Variants in ERC1 observed in about 807,000 individuals in gnomAD.
The protein encoded by ERC1 is ELKS/RAB6-interacting/CAST family member 1.
A neutral mutation model predicts 132.0 loss-of-function variants in ERC1; 56 were observed. The observed-to-expected ratio is 0.42, with a 90% CI of 0.34 to 0.53. The LOEUF (loss-of-function observed/expected upper bound fraction) is 0.53. Ranked by LOEUF, ERC1 falls within the 20% of genes least tolerant of loss-of-function variation. The probability of loss-of-function intolerance (pLI) is 0.03; values close to 1 mark genes in which losing one functional copy is unlikely to be tolerated. For synonymous variants in ERC1, 478 were observed against 476.1 expected (o/e 1.00, Z -0.05); for missense variants, 1,202 against 1,349.9 (o/e 0.89, Z 1.72).
At chr12:1,158,547 A>C (rs1271632004) in intron 8 of ERC1, among the ~76,000 whole-genome samples, 6 of 151,358 alleles carry the variant, frequency 4.0e-5, no homozygotes, top group Non-Finnish European at 8.8e-5. Flanking sequence ...CTCCTGCCTC[A>C]GCCTCCCAGG....
intron 4 of ERC1, among the ~76,000 whole-genome samples, chr12:1,105,999 C>G (rs183073576): frequency 5.2e-4 from 79 of 152,312 alleles, no homozygotes; most frequent in Middle Eastern, 3.4e-3. Context: ...AAACCTCTGC[C>G]TTAAGTTAAT....
chr12:1,208,065 C>T (rs1163181018), intron 12 of ERC1, among the ~76,000 whole-genome samples: 2 of 152,194 alleles, frequency 1.3e-5, no homozygotes, highest in Non-Finnish European at 2.9e-5. Context: ...TATCTCACTT[C>T]ACCTCATAAC....
Position 1,182,660 on chromosome 12 carries a change from AT to A in ERC1, c.2016+607del, listed in dbSNP as rs550078937. On this transcript the variant is annotated intron_variant, in intron 10 of 18. Coordinates refer to ENST00000360905, the MANE Select transcript of ERC1 (RefSeq NM_178040.4). ...TTTTCTTTTAATAGGGAAAAATGTG[AT>A]TTTTTTTTTTTCTTTTAAGAGACTG... 6.7e-3 allele frequency among the ~76,000 whole-genome samples: 982 copies of A among 146,746 alleles called. 15 individuals are homozygous for A. Among genetic ancestry groups the A allele is most frequent in the African/African-American group, 0.022 (907 of 40,440 alleles).
At chr12:1,484,078 G>C (rs1459763244) in intron 18 of ERC1, among the ~76,000 whole-genome samples, 2 of 151,488 alleles carry the variant, frequency 1.3e-5, no homozygotes, top group Non-Finnish European at 2.9e-5. Context: ...GGCTGAGGCG[G>C]GCGGATCACG....
At chr12:1,418,535 C>T (rs1390165342) in intron 17 of ERC1, among the ~76,000 whole-genome samples, 2 of 152,182 alleles carry the variant, frequency 1.3e-5, no homozygotes, top group Non-Finnish European at 2.9e-5. Flanking sequence ...CTTCATCATA[C>T]ACAGATTTCC....
In ERC1 at chr12:1,252,749, G is replaced by C. The variant is rs554045716; in HGVS notation, c.2488-10285G>C. On this transcript the variant is annotated intron_variant, in intron 13 of 18. Coordinates refer to ENST00000360905, the MANE Select transcript of ERC1 (RefSeq NM_178040.4). ...TTTTAACCCACAGTATTGCCTTAAAGTAGTTGGTGTGTAACCAAATTCTGT... is the reference window on the plus strand; with the variant it reads ...TTTTAACCCACAGTATTGCCTTAAACTAGTTGGTGTGTAACCAAATTCTGT... 6.1e-4 allele frequency among the ~76,000 whole-genome samples: 93 copies of C among 152,310 alleles called. 1 individual carries two copies. The highest frequency in any genetic ancestry group is 2.1e-3 in the African/African-American group (89 of 41,572).
At chr12:1,136,373 A>G (rs930254120) in intron 7 of ERC1, among the ~76,000 whole-genome samples, 11 of 152,202 alleles carry the variant, frequency 7.2e-5, no homozygotes, top group African/African-American at 2.7e-4. Context: ...GCTTTGAGGT[A>G]TCTCCAAGCA....
At chr12:1,398,382 G>A (rs1300767654) in intron 16 of ERC1, among the ~76,000 whole-genome samples, 1 of 152,064 alleles carries the variant, frequency 6.6e-6, no homozygotes, top group Non-Finnish European at 1.5e-5. Context: ...CAAATAACAA[G>A]TAATTATGTT....
At chr12:1,270,135 T>C (rs2077731757) in intron 14 of ERC1, among the ~76,000 whole-genome samples, 1 of 152,212 alleles carries the variant, frequency 6.6e-6, no homozygotes, top group Non-Finnish European at 1.5e-5. Context: ...TTCCTATCCA[T>C]TTATATGATG....
chr12:1,253,918 G>T (rs2076625600), intron 13 of ERC1, among the ~76,000 whole-genome samples: 1 of 152,118 alleles, frequency 6.6e-6, no homozygotes, highest in African/African-American at 2.4e-5. Context: ...GGAGATGAGG[G>T]ATTCTTTGAA....
intron 17 of ERC1, among the ~76,000 whole-genome samples, chr12:1,434,433 C>T (rs987117587): frequency 6.6e-6 from 1 of 152,190 alleles, no homozygotes; most frequent in African/African-American, 2.4e-5. Flanking sequence ...CGTGTAGTTA[C>T]CTGTGCTTCA....
chr12:1,412,129 A>G (rs2091888224), intron 17 of ERC1, among the ~76,000 whole-genome samples: 1 of 152,248 alleles, frequency 6.6e-6, no homozygotes, highest in Non-Finnish European at 1.5e-5. Context: ...TCATTATATC[A>G]TAAGGATTTT....
intron 16 of ERC1, among the ~76,000 whole-genome samples, chr12:1,390,121 T>C (rs2089818293): frequency 6.6e-6 from 1 of 152,184 alleles, no homozygotes; most frequent in South Asian, 2.1e-4. Context: ...CCAGTAGACA[T>C]TTTATTAAAA....
intron 17 of ERC1, among the ~76,000 whole-genome samples, chr12:1,423,465 A>G (rs1469102173): frequency 6.6e-6 from 1 of 152,138 alleles, no homozygotes; most frequent in Non-Finnish European, 1.5e-5. Flanking sequence ...ATTATTTTAC[A>G]TTTTTGAGAC....
At chr12:1,372,001 G>T in intron 16 of ERC1, 24 bp downstream of exon 16, 3 of 1,610,786 alleles carry the variant, frequency 1.9e-6, no homozygotes, top group Non-Finnish European at 2.5e-6. Context: ...CCAGCAGGAG[G>T]GTCAGTGGGG....
intron 14 of ERC1, among the ~76,000 whole-genome samples, chr12:1,265,877 A>G (rs7296083): frequency 0.059 from 8,951 of 152,080 alleles, 478 homozygotes; most frequent in African/African-American, 0.13. Context: ...TTGTGGCTTG[A>G]TAGCTCATTT....
intron 12 of ERC1, among the ~76,000 whole-genome samples, chr12:1,208,957 A>AT (rs538961813): frequency 0.021 from 1,520 of 71,614 alleles, 172 homozygotes; most frequent in East Asian, 0.045. Context: ...CGCCCAGCTG[A>AT]TTTTTTTTTT....
rs568735345 is a variant in ERC1, at chr12:1,066,575, G to A, written c.670-16589G>A. Among the ~76,000 whole-genome samples, 29 of 152,236 alleles carry A rather than the reference G, an allele frequency of 1.9e-4. No individual in the cohort carries two copies. The East Asian group carries it at 4.8e-3, about 25-fold the overall frequency. ...CTAGAGGCTGGGTGCGGTGGCTCAC[G>A]CCTGTAATCCCAGCACTTTGGGAGA... is the stretch of plus-strand genomic sequence containing the variant. On this transcript the variant is annotated intron_variant, in intron 2 of 18. Coordinates refer to ENST00000360905, the MANE Select transcript of ERC1 (RefSeq NM_178040.4).
chr12:1,476,211 A>G (rs1443655084), intron 18 of ERC1, among the ~76,000 whole-genome samples: 1 of 151,278 alleles, frequency 6.6e-6, no homozygotes, highest in Admixed American at 6.6e-5. Flanking sequence ...AGCTGAGATC[A>G]CGCCACTACA....
Sources: gnomAD v4.1 joint callset for allele counts (sites outside exome capture counted in the v4.1 genomes callset) on GRCh38, gnomAD v4.1.1 for gene constraint, MANE v1.5 for transcripts, NCBI Gene and HGNC (gene_info 2026-07-23, HGNC 2026-07-21) for gene names.